The following GMDS variants were observed in gnomAD, a reference collection of about 807,000 sequenced individuals.
GMDS encodes GDP-mannose 4,6 dehydratase.
In GMDS, 20 loss-of-function variants were observed where a neutral mutation model predicts 49.9. That is an observed-to-expected ratio of 0.40 (90% CI 0.28 to 0.58). GMDS has a LOEUF of 0.58. Among genes scored for constraint, GMDS ranks in the 20% least tolerant of loss-of-function variants. The pLI, the probability that GMDS is intolerant of heterozygous loss-of-function variation, is 0.42. For synonymous variants in GMDS, 177 were observed against 178.6 expected (o/e 0.99, Z 0.07); for missense variants, 362 against 481.4 (o/e 0.75, Z 2.32).
intron 4 of GMDS, among the ~76,000 whole-genome samples, chr6:2,007,221 T>C (rs1043360946): frequency 6.6e-6 from 1 of 152,172 alleles, no homozygotes; most frequent in African/African-American, 2.4e-5. Context: ...ACCACAACTT[T>C]AGGAGCTGTG....
intron 9 of GMDS, 163 bp from the exon 10 acceptor site, chr6:1,624,703 G>GCGC (rs1762791917): frequency 1.6e-6 from 1 of 616,350 alleles, no homozygotes; most frequent in African/African-American, 1.9e-5. Flanking sequence ...GCGGCTCTCG[G>GCGC]CGCCGTAAAT....
intron 2 of GMDS, among the ~76,000 whole-genome samples, chr6:2,119,003 T>C (rs1774997674): frequency 1.3e-5 from 2 of 152,150 alleles, no homozygotes; most frequent in African/African-American, 4.8e-5. Context: ...TACTTATACA[T>C]AGCAAAACTT....
At chr6:2,215,264 G>A (rs1780273452) in intron 1 of GMDS, among the ~76,000 whole-genome samples, 1 of 152,028 alleles carries the variant, frequency 6.6e-6, no homozygotes, top group Non-Finnish European at 1.5e-5. Context: ...GAGAGAGGAT[G>A]TTATTAGTCC....
intron 1 of GMDS, among the ~76,000 whole-genome samples, chr6:2,237,102 C>A (rs1581843102): frequency 6.6e-6 from 1 of 152,194 alleles, no homozygotes; most frequent in Non-Finnish European, 1.5e-5. Flanking sequence ...CAGCCAAGAA[C>A]GTCACTGCAT....
intron 1 of GMDS, among the ~76,000 whole-genome samples, chr6:2,239,210 T>A (rs1443353311): frequency 1.3e-5 from 2 of 151,468 alleles, no homozygotes; most frequent in Non-Finnish European, 2.9e-5. Flanking sequence ...ACGCCTGTAA[T>A]CCCAGCTACT....
At chr6:1,984,404 C>T (rs954552925) in intron 4 of GMDS, among the ~76,000 whole-genome samples, 11 of 151,904 alleles carry the variant, frequency 7.2e-5, no homozygotes, top group African/African-American at 2.4e-4. Context: ...ATCCCCGCCC[C>T]CGCCTCCAAA....
At chr6:2,172,660 C>G (rs765536368) in intron 1 of GMDS, among the ~76,000 whole-genome samples, 1 of 152,006 alleles carries the variant, frequency 6.6e-6, no homozygotes, top group Non-Finnish European at 1.5e-5. Flanking sequence ...CCACTGCACT[C>G]CAGCCTGGGC....
Position 2,131,507 on chromosome 6 carries a change from C to T in GMDS, c.103-6776G>A, listed in dbSNP as rs143776643. The stretch of plus-strand genomic sequence containing the variant: ...CTTCAACTCTATGATGGTATGAAAA[C>T]GGTACACATTCAGTACACTCCTCAA... On this transcript the variant is annotated intron_variant, in intron 1 of 10. Coordinates refer to ENST00000380815, the MANE Select transcript of GMDS (RefSeq NM_001500.4). Among the ~76,000 whole-genome samples the T allele has an allele frequency of 4.9e-3, 741 of 152,286 alleles. 2 individuals are homozygous for T. The highest frequency in any genetic ancestry group is 0.024 in the Middle Eastern group (7 of 294).
At chr6:1,789,502 A>G (rs1180128672) in intron 7 of GMDS, among the ~76,000 whole-genome samples, 1 of 151,168 alleles carries the variant, frequency 6.6e-6, no homozygotes, top group Non-Finnish European at 1.5e-5. Context: ...ATAGAACTTG[A>G]CAAAAAATTA....
intron 4 of GMDS, among the ~76,000 whole-genome samples, chr6:1,971,225 G>A (rs1340006139): frequency 6.6e-6 from 1 of 152,098 alleles, no homozygotes; most frequent in Non-Finnish European, 1.5e-5. Flanking sequence ...CTGGAGCAGA[G>A]GACAGCATCA....
intron 7 of GMDS, among the ~76,000 whole-genome samples, chr6:1,808,443 C>A (rs551351171): frequency 1.3e-5 from 2 of 152,102 alleles, no homozygotes; most frequent in African/African-American, 2.4e-5. Flanking sequence ...GCAATGGCTA[C>A]GGTGCGGTTA....
intron 8 of GMDS, among the ~76,000 whole-genome samples, chr6:1,732,360 A>T (rs1286339373): frequency 2.0e-5 from 3 of 152,114 alleles, no homozygotes; most frequent in African/African-American, 7.2e-5. Flanking sequence ...AAAAGATAAA[A>T]TACATGTGGT....
chr6:1,785,915 G>T lies in GMDS; in HGVS notation c.772-43329C>A, dbSNP rs571345390. 3.3e-5 allele frequency among the ~76,000 whole-genome samples: 5 copies of T among 152,322 alleles called. No homozygotes were observed. In the South Asian group the frequency reaches 1.0e-3, roughly 32 times the overall value. ...ATTTCCTTTGTGAAAAATGCTCCTG[G>T]AAATAAATTCCAATGCAAGTGCTGA... On this transcript the variant is annotated intron_variant, in intron 7 of 10. Coordinates refer to ENST00000380815, the MANE Select transcript of GMDS (RefSeq NM_001500.4).
chr6:1,689,014 T>A (rs553270656), intron 9 of GMDS, among the ~76,000 whole-genome samples: 1 of 152,314 alleles, frequency 6.6e-6, no homozygotes, highest in African/African-American at 2.4e-5. Flanking sequence ...GTTCTTGCTA[T>A]GAGGGTTGCA....
chr6:1,910,630 C>T (rs1264819535), intron 7 of GMDS, among the ~76,000 whole-genome samples: 1 of 152,114 alleles, frequency 6.6e-6, no homozygotes, highest in Non-Finnish European at 1.5e-5. Flanking sequence ...CAGGAAGAGG[C>T]TGAGGACCCA....
intron 1 of GMDS, among the ~76,000 whole-genome samples, chr6:2,135,223 A>G (rs1289060768): frequency 6.6e-6 from 1 of 152,224 alleles, no homozygotes; most frequent in Non-Finnish European, 1.5e-5. Context: ...GCACAAAATA[A>G]TATTTCAAAT....
At chr6:2,178,900 A>G (rs1315014302) in intron 1 of GMDS, among the ~76,000 whole-genome samples, 1 of 152,236 alleles carries the variant, frequency 6.6e-6, no homozygotes, top group South Asian at 2.1e-4. Flanking sequence ...AATGGTGTAT[A>G]CCACAAACAA....
intron 4 of GMDS, among the ~76,000 whole-genome samples, chr6:2,000,793 C>T (rs1034574372): frequency 6.6e-6 from 1 of 152,194 alleles, no homozygotes; most frequent in Non-Finnish European, 1.5e-5. Flanking sequence ...TCCCAAGTAA[C>T]TGGAACTATA....
chr6:1,899,152 T>C (rs114486952), intron 7 of GMDS, among the ~76,000 whole-genome samples: 2,659 of 152,270 alleles, frequency 0.017, 77 homozygotes, highest in African/African-American at 0.061. Context: ...TGCCCGTCTG[T>C]CTGGGGAGCT....
Sources: gnomAD v4.1 joint callset for allele counts (sites outside exome capture counted in the v4.1 genomes callset) on GRCh38, gnomAD v4.1.1 for gene constraint, MANE v1.5 for transcripts, NCBI Gene and HGNC (gene_info 2026-07-23, HGNC 2026-07-21) for gene names.